PKP2: variants seen among roughly 807,000 people sequenced by gnomAD.
PKP2 encodes the protein plakophilin-2.
PKP2 carries 73 observed loss-of-function variants against 83.4 expected under a neutral mutation model. The observed-to-expected ratio is 0.88, with a 90% CI of 0.72 to 1.06. The LOEUF (loss-of-function observed/expected upper bound fraction) is 1.06, where lower values mean the gene tolerates loss of function less well. Ranked by LOEUF, PKP2 falls within the 50% of genes least tolerant of loss-of-function variation. The probability of loss-of-function intolerance (pLI) is 0.00; values close to 1 mark genes in which losing one functional copy is unlikely to be tolerated. For synonymous variants in PKP2, 409 were observed against 430.4 expected (o/e 0.95, Z 0.62); for missense variants, 966 against 1,065.4 (o/e 0.91, Z 1.30).
chr12:32,794,913 T>C (rs1956106941), intron 11 of PKP2, among the ~76,000 whole-genome samples: 1 of 152,204 alleles, frequency 6.6e-6, no homozygotes, highest in South Asian at 2.1e-4. Context: ...TGGGTGGGGC[T>C]GTAGTAGAGG....
At chr12:32,826,880 G>A (rs1343947520) in intron 6 of PKP2, among the ~76,000 whole-genome samples, 1 of 152,180 alleles carries the variant, frequency 6.6e-6, no homozygotes, top group East Asian at 1.9e-4. Context: ...TAGTGGTAAA[G>A]TCAGGAAAAG....
At chr12:32,821,294 G>T in intron 9 of PKP2, 62 bp downstream of exon 9, 2 of 1,366,480 alleles carry the variant, frequency 1.5e-6, no homozygotes, top group Non-Finnish European at 2.1e-6. Context: ...TCTCTGAATT[G>T]AATGTAGGTA....
At chr12:32,835,127 C>T (rs1956533688) in intron 6 of PKP2, among the ~76,000 whole-genome samples, 1 of 151,260 alleles carries the variant, frequency 6.6e-6, no homozygotes, top group Non-Finnish European at 1.5e-5. Context: ...GACTTCGGCT[C>T]ACTGCAAGCT....
chr12:32,794,682 T>C (rs926501082), intron 11 of PKP2, among the ~76,000 whole-genome samples: 1 of 152,216 alleles, frequency 6.6e-6, no homozygotes, highest in African/African-American at 2.4e-5. Context: ...TGGATGACTA[T>C]TTGGAAGAAA....
At chr12:32,828,761 G>A (rs946348018) in intron 6 of PKP2, among the ~76,000 whole-genome samples, 4 of 152,206 alleles carry the variant, frequency 2.6e-5, no homozygotes, top group African/African-American at 9.7e-5. Context: ...TTAGTGTACA[G>A]TGTGTGGTCA....
rs1956073646 is a variant in PKP2 at position 32,792,161 on chromosome 12, C to G, written c.*263G>C. On this transcript the variant is annotated 3_prime_UTR_variant, in exon 13 of 13. Coordinates refer to ENST00000340811, the MANE Select transcript of PKP2 (RefSeq NM_001005242.3). ...TTCCACATGAATTCACATTTTGATT[C>G]CAGGAAGCCATGTACCATAAGCCCT... The G allele has an allele frequency of 4.0e-6, 2 of 497,862 alleles. No individual in the cohort carries two copies. The highest frequency in any genetic ancestry group is 7.4e-5 in the East Asian group (2 of 26,908). The allele number at this position is 497,862 out of a possible 1,614,324, so 30.8% of individuals were successfully genotyped here.
At chr12:32,846,055 T>G (rs901785260) in intron 5 of PKP2, among the ~76,000 whole-genome samples, 2 of 152,188 alleles carry the variant, frequency 1.3e-5, no homozygotes, top group African/African-American at 4.8e-5. Flanking sequence ...ATTAAGTACT[T>G]CTATAAAATA....
At chr12:32,852,880 G>A (rs1331828700) in intron 4 of PKP2, among the ~76,000 whole-genome samples, 12 of 152,098 alleles carry the variant, frequency 7.9e-5, no homozygotes, top group Admixed American at 3.9e-4. Flanking sequence ...TCAGGAGTTC[G>A]AGACCAGCCT....
At chr12:32,853,384 T>C (rs1956717871) in intron 4 of PKP2, among the ~76,000 whole-genome samples, 2 of 145,276 alleles carry the variant, frequency 1.4e-5, no homozygotes, top group South Asian at 4.6e-4. Context: ...TGTATTACAT[T>C]TCCTTAAACG....
intron 1 of PKP2, among the ~76,000 whole-genome samples, chr12:32,881,491 A>G (rs1006548043): frequency 6.6e-6 from 1 of 152,070 alleles, no homozygotes; most frequent in Admixed American, 6.6e-5. Context: ...CCAACCTCTG[A>G]GCTCAAGTGA....
chr12:32,855,670 G>C (rs1956739314), intron 4 of PKP2, among the ~76,000 whole-genome samples: 1 of 150,978 alleles, frequency 6.6e-6, no homozygotes, highest in South Asian at 2.1e-4. Flanking sequence ...CAGCTACTGG[G>C]GAGGCTGAGG....
chr12:32,889,932 G>A (rs1217375711), intron 1 of PKP2, among the ~76,000 whole-genome samples: 3 of 151,744 alleles, frequency 2.0e-5, no homozygotes, highest in Non-Finnish European at 2.9e-5. Context: ...AAAATTAGCC[G>A]GGTGTGGTGG....
At position 32,878,029 on chromosome 12, in the gene PKP2, CT is replaced by C; in HGVS notation, c.850del (p.Arg284GlyfsTer18). 6.2e-7 allele frequency: 1 copy of C among 1,614,000 alleles called. No individual in the cohort carries two copies. Among genetic ancestry groups the C allele is most frequent in the East Asian group, 2.2e-5 (1 of 44,878 alleles). ...CTGATGCCAGGAGGACCTGGAAGCC[CT>C]GTTCTGAGTGACGGGCTGCAGGGGC... ...LVPLQPVTQN[R>X]ASRSSWHQSS... On this transcript the variant is annotated frameshift_variant, in exon 3 of 13. Coordinates refer to ENST00000340811, the MANE Select transcript of PKP2 (RefSeq NM_001005242.3). LOFTEE classifies it high-confidence loss of function.
At chr12:32,797,704 C>T (rs12821727) in intron 10 of PKP2, among the ~76,000 whole-genome samples, 92,984 of 150,934 alleles carry the variant, frequency 0.62, 31,224 homozygotes, top group Non-Finnish European at 0.78. Flanking sequence ...TACAGGTGCC[C>T]GCCACCACGC....
intron 7 of PKP2, among the ~76,000 whole-genome samples, chr12:32,823,610 C>CT (rs11355324): frequency 1.9e-4 from 27 of 139,032 alleles, no homozygotes; most frequent in Admixed American, 4.3e-4. Flanking sequence ...TTTAATATTT[C>CT]TTTTTTTTTT....
In PKP2 at chr12:32,792,711, CT is replaced by C. The variant is rs727504432; in HGVS notation, c.2377del (p.Ser793ValfsTer94). 2 of 1,614,062 alleles carry C rather than the reference CT, an allele frequency of 1.2e-6. No homozygotes were observed. The highest frequency in any genetic ancestry group is 1.6e-4 in the Middle Eastern group (1 of 6,062). ...ATACAGAAGGACGGAAGCAGCTTTA[CT>C]TGCTTTGTTGGAGGCATAGCTGAAA... ...AGDAYASNKA[S>X]KAASVLLYSL... On this transcript the variant is annotated frameshift_variant, in exon 12 of 13. Coordinates refer to ENST00000340811, the MANE Select transcript of PKP2 (RefSeq NM_001005242.3). LOFTEE classifies it high-confidence loss of function.
At chr12:32,856,683 C>A (rs546895740) in intron 4 of PKP2, among the ~76,000 whole-genome samples, 104 of 151,362 alleles carry the variant, frequency 6.9e-4, no homozygotes, top group African/African-American at 2.5e-3. Flanking sequence ...AGCACACTAA[C>A]ATGGCATATG....
At chr12:32,851,070 T>G in intron 4 of PKP2, 97 bp from the exon 5 acceptor site, 3 of 978,762 alleles carry the variant, frequency 3.1e-6, no homozygotes, top group Non-Finnish European at 4.8e-6. Flanking sequence ...TGATGCTGAC[T>G]ATAACCTTTC....
At chr12:32,874,577 G>A (rs891337010) in intron 3 of PKP2, among the ~76,000 whole-genome samples, 1 of 151,636 alleles carries the variant, frequency 6.6e-6, no homozygotes, top group African/African-American at 2.4e-5. Flanking sequence ...TTCTACTCTT[G>A]GAAATATGAT....
Sources: gnomAD v4.1 joint callset for allele counts (sites outside exome capture counted in the v4.1 genomes callset) on GRCh38, gnomAD v4.1.1 for gene constraint, MANE v1.5 for transcripts, NCBI Gene and HGNC (gene_info 2026-07-23, HGNC 2026-07-21) for gene names.